Variants in ROBO2 observed in about 807,000 individuals in gnomAD.
ROBO2 encodes the protein roundabout guidance receptor 2.
A neutral mutation model predicts 160.8 loss-of-function variants in ROBO2; 53 were observed. That is an observed-to-expected ratio of 0.33 (90% CI 0.26 to 0.41). The LOEUF is 0.41. Ranked by LOEUF, ROBO2 falls within the 10% of genes least tolerant of loss-of-function variation. The pLI, the probability that ROBO2 is intolerant of heterozygous loss-of-function variation, is 1.00. For synonymous variants in ROBO2, 664 were observed against 611.7 expected (o/e 1.09, Z -1.26); for missense variants, 1,577 against 1,722.4 (o/e 0.92, Z 1.49).
At chr3:77,648,414 T>C (rs952881540) in exon 26 of ROBO2, 8 of 152,190 alleles carry the variant, frequency 5.3e-5, no homozygotes. Context: ...TGCAGATGAC[T>C]TTTGGAATAA....
At chr3:75,935,214 A>G (rs1166332286) in intron 1 of ROBO2, among the ~76,000 whole-genome samples, 1 of 152,194 alleles carries the variant, frequency 6.6e-6, no homozygotes, top group Non-Finnish European at 1.5e-5. Context: ...TTAAATTTAT[A>G]AGTAAAATTA....
At chr3:77,546,253 C>T (rs554276992) in intron 6 of ROBO2, 85 bp from the exon 8 acceptor site, 10 of 1,451,322 alleles carry the variant, frequency 6.9e-6, no homozygotes, top group South Asian at 5.7e-5. Context: ...ACTGAACAGT[C>T]AACATAGTAC....
At chr3:77,183,068 A>C (rs1433421408) in intron 2 of ROBO2, among the ~76,000 whole-genome samples, 1 of 152,078 alleles carries the variant, frequency 6.6e-6, no homozygotes, top group Admixed American at 6.6e-5. Context: ...CTGTCTCTGT[A>C]ATTTCATACT....
chr3:77,043,819 A>G (rs901675488), intron 1 of ROBO2, among the ~76,000 whole-genome samples: 1 of 152,172 alleles, frequency 6.6e-6, no homozygotes, highest in African/African-American at 2.4e-5. Flanking sequence ...TAAAATGAGA[A>G]TGTTTTTCTC....
At chr3:76,376,712 T>C (rs1299793393) in intron 2 of ROBO2, among the ~76,000 whole-genome samples, 1 of 152,010 alleles carries the variant, frequency 6.6e-6, no homozygotes, top group African/African-American at 2.4e-5. Flanking sequence ...TAATTTGGGG[T>C]CTGGGGAAAG....
chr3:76,110,205 A>T (rs1261938486), intron 2 of ROBO2, among the ~76,000 whole-genome samples: 1 of 152,046 alleles, frequency 6.6e-6, no homozygotes, highest in Non-Finnish European at 1.5e-5. Flanking sequence ...CACTTTGATC[A>T]TAGTAGACGT....
intron 2 of ROBO2, among the ~76,000 whole-genome samples, chr3:76,996,830 G>T (rs544369553): frequency 3.3e-5 from 5 of 152,168 alleles, no homozygotes; most frequent in African/African-American, 4.8e-5. Flanking sequence ...TATTTTGGTG[G>T]CTTCTGGGTC....
intron 2 of ROBO2, among the ~76,000 whole-genome samples, chr3:76,214,823 C>T (rs1270652121): frequency 6.6e-6 from 1 of 152,190 alleles, no homozygotes; most frequent in African/African-American, 2.4e-5. Flanking sequence ...AGTCGTTCTC[C>T]CAGCACGCAG....
At chr3:76,752,677 G>C (rs2060744345) in intron 2 of ROBO2, among the ~76,000 whole-genome samples, 1 of 151,846 alleles carries the variant, frequency 6.6e-6, no homozygotes, top group Admixed American at 6.6e-5. Flanking sequence ...CTATGAAAAA[G>C]AGTTTCCGTG....
intron 2 of ROBO2, among the ~76,000 whole-genome samples, chr3:77,410,732 T>TCC (rs1560759109): frequency 2.0e-5 from 1 of 49,116 alleles, no homozygotes; most frequent in Non-Finnish European, 4.0e-5. Flanking sequence ...CCTCCTCCTC[T>TCC]TCCTCCTCCT....
At chr3:76,528,255 A>G (rs1422850269) in intron 2 of ROBO2, among the ~76,000 whole-genome samples, 1 of 152,080 alleles carries the variant, frequency 6.6e-6, no homozygotes, top group Non-Finnish European at 1.5e-5. Flanking sequence ...ACTAGCTTTA[A>G]TGGGAGCCCT....
intron 2 of ROBO2, among the ~76,000 whole-genome samples, chr3:76,038,596 C>T (rs531322317): frequency 6.6e-6 from 1 of 151,830 alleles, no homozygotes; most frequent in Non-Finnish European, 1.5e-5. Context: ...CACCAGTGTC[C>T]CCATGGGCTG....
intron 8 of ROBO2, 46 bp from the exon 10 acceptor site, chr3:77,557,898 G>A: frequency 6.9e-7 from 1 of 1,452,882 alleles, no homozygotes. Context: ...CAAGCCTACT[G>A]AACTACATTG....
chr3:76,707,172 T>G (rs2107545568), intron 2 of ROBO2, among the ~76,000 whole-genome samples: 1 of 152,208 alleles, frequency 6.6e-6, no homozygotes, highest in East Asian at 1.9e-4. Context: ...CAGAAGAGCA[T>G]TACTCTTGCA....
chr3:76,104,386 A>G (rs1312386080), intron 2 of ROBO2, among the ~76,000 whole-genome samples: 2 of 152,194 alleles, frequency 1.3e-5, no homozygotes, highest in African/African-American at 2.4e-5. Context: ...TTTTAAAACT[A>G]TAAAGGAAAG....
intron 2 of ROBO2, among the ~76,000 whole-genome samples, chr3:75,966,531 C>T (rs953045467): frequency 1.3e-5 from 2 of 151,658 alleles, no homozygotes; most frequent in African/African-American, 4.8e-5. Context: ...GACTGTGGTG[C>T]TGCCATGCTT....
chr3:76,865,117 G>A (rs1398020357), intron 2 of ROBO2, among the ~76,000 whole-genome samples: 1 of 151,470 alleles, frequency 6.6e-6, no homozygotes, highest in African/African-American at 2.4e-5. Flanking sequence ...TCCATGCTGT[G>A]TATTTCTTTT....
At chr3:76,230,773 T>C (rs2107468499) in intron 2 of ROBO2, among the ~76,000 whole-genome samples, 1 of 152,302 alleles carries the variant, frequency 6.6e-6, no homozygotes, top group South Asian at 2.1e-4. Flanking sequence ...CTCTAATACC[T>C]GTGAACATGA....
At chr3:76,646,948 A>G (rs550595314) in intron 2 of ROBO2, among the ~76,000 whole-genome samples, 4 of 152,326 alleles carry the variant, frequency 2.6e-5, no homozygotes, top group Admixed American at 2.0e-4. Context: ...GGCTGGGGGA[A>G]CAAAGGGAAG....
Sources: allele counts gnomAD v4.1 joint callset (sites outside exome capture counted in the v4.1 genomes callset), GRCh38; gene constraint gnomAD v4.1.1; transcripts MANE v1.5; gene names NCBI Gene and HGNC (gene_info 2026-07-23, HGNC 2026-07-21).